The following C12orf75 variants were observed in gnomAD, a reference collection of about 807,000 sequenced individuals.
The protein encoded by C12orf75 is chromosome 12 open reading frame 75, also known as overexpressed in colon carcinoma 1 protein.
In C12orf75, 4 loss-of-function variants were observed where a neutral mutation model predicts 11.4. That is an observed-to-expected ratio of 0.35 (90% CI 0.17 to 0.80). The LOEUF is 0.80. Ranked by LOEUF, C12orf75 falls within the 30% of genes least tolerant of loss-of-function variation. C12orf75 has a pLI of 0.52. For missense variants in C12orf75, 89 were observed against 80.4 expected (o/e 1.11, Z -0.41); for synonymous variants, 30 against 30.0 (o/e 1.00, Z 0.00).
chr12:105,361,067 C>G (rs1450506801), intron 2 of C12orf75, among the ~76,000 whole-genome samples: 1 of 152,098 alleles, frequency 6.6e-6, no homozygotes, highest in Non-Finnish European at 1.5e-5. Context: ...TGAGCCACCG[C>G]GCCTGCCCTG....
intron 2 of C12orf75, among the ~76,000 whole-genome samples, chr12:105,362,202 C>T (rs1186348313): frequency 2.7e-5 from 4 of 150,786 alleles, no homozygotes; most frequent in Admixed American, 6.6e-5. Flanking sequence ...CTGGCTAAAA[C>T]GGTGAAACCC....
In C12orf75 at chr12:105,337,789, C is replaced by A. The variant is rs140994024; in HGVS notation, c.46+6852C>A. ...AAACAATAGCGGGTCATTGTTTATG[C>A]CTATTTTTTAGTAAAGTTTAAGCCC... On this transcript the variant is annotated intron_variant, in intron 1 of 5. Transcript: ENST00000443585. Among the ~76,000 whole-genome samples, 16 of 152,186 alleles carry A rather than the reference C, an allele frequency of 1.1e-4. No individual in the cohort carries two copies. The East Asian group carries it at 3.1e-3, about 29-fold the overall frequency.
chr12:105,364,771 T>A (rs1020463732), intron 2 of C12orf75, among the ~76,000 whole-genome samples: 7 of 151,846 alleles, frequency 4.6e-5, no homozygotes, highest in Non-Finnish European at 1.0e-4. Flanking sequence ...TGCCAACTAG[T>A]GCTTCAAGGA....
chr12:105,360,534 A>G (rs1336264471), intron 2 of C12orf75, among the ~76,000 whole-genome samples: 1 of 152,234 alleles, frequency 6.6e-6, no homozygotes, highest in Non-Finnish European at 1.5e-5. Context: ...TAAATGTAAA[A>G]TTTATTTGCC....
intron 3 of C12orf75, 36 bp downstream of exon 3, chr12:105,365,878 G>C: frequency 7.0e-7 from 1 of 1,428,226 alleles, no homozygotes; most frequent in Non-Finnish European, 9.7e-7. Context: ...TAGTTTGAAT[G>C]GTTTTGGCCA....
chr12:105,351,117 T>C (rs551959970), intron 2 of C12orf75, among the ~76,000 whole-genome samples: 1 of 152,246 alleles, frequency 6.6e-6, no homozygotes, highest in Non-Finnish European at 1.5e-5. Context: ...TTCAATTTTT[T>C]AAGTGGAAGC....
intron 2 of C12orf75, among the ~76,000 whole-genome samples, chr12:105,357,458 A>G (rs1005065261): frequency 6.6e-6 from 1 of 152,184 alleles, no homozygotes; most frequent in African/African-American, 2.4e-5. Context: ...TACAAGAGTG[A>G]GTCATGTTTA....
intron 5 of C12orf75, among the ~76,000 whole-genome samples, chr12:105,369,990 C>G (rs528054246): frequency 5.3e-5 from 8 of 152,336 alleles, no homozygotes; most frequent in African/African-American, 1.9e-4. Context: ...AACATGTAGA[C>G]TCTCTGAACT....
intron 2 of C12orf75, among the ~76,000 whole-genome samples, chr12:105,362,439 G>A (rs1407414863): frequency 1.4e-5 from 2 of 147,638 alleles, no homozygotes; most frequent in Non-Finnish European, 3.0e-5. Flanking sequence ...AGGCTGAGGC[G>A]GGTGGATCAT....
At position 105,366,633 on chromosome 12, in the gene C12orf75, T is replaced by G. The variant is rs1266050666; in HGVS notation, c.124T>G (p.Tyr42Asp). The G allele has an allele frequency of 5.9e-6, 9 of 1,533,296 alleles. No homozygotes were observed. The East Asian group carries it at 2.2e-4, about 38-fold the overall frequency. 95.0% of individuals were successfully genotyped at this position (1,533,296 alleles called of 1,614,324 possible). A position where few individuals can be genotyped will look rare whatever the true frequency, so the allele number is the denominator to read the frequency against. The change falls in exon 4 of 6, where the codon TAT becomes GAT. Residue 42 changes from tyrosine (Y) to aspartate (D), a missense_variant. By Grantham distance (160) the Tyr-to-Asp change is radical. Coordinates refer to ENST00000443585, the MANE Select transcript of C12orf75 (RefSeq NM_001145199.2). ...DDKRRNYGGVYVGLPSEAVNM... is the reference protein window; with the variant it reads ...DDKRRNYGGVDVGLPSEAVNM... ...TTTATCAAGAAACTATGGAGGAGTATATGTTGGCCTACCATCTGAAGCTGT... is the reference window on the plus strand; with the variant it reads ...TTTATCAAGAAACTATGGAGGAGTAGATGTTGGCCTACCATCTGAAGCTGT...
At chr12:105,339,958 T>C (rs1892547259) in intron 1 of C12orf75, among the ~76,000 whole-genome samples, 1 of 152,150 alleles carries the variant, frequency 6.6e-6, no homozygotes, top group African/African-American at 2.4e-5. Flanking sequence ...TTCTTCATAA[T>C]AGACTTTGGC....
chr12:105,367,504 CAA>C lies in C12orf75; in HGVS notation c.*29_*30del, dbSNP rs1461510560. ...GAAAATAACATCATGACTCAAGAATCAAGAGGTGCTGTATATTTTTCTAAATA... is the reference window on the plus strand; with the variant it reads ...GAAAATAACATCATGACTCAAGAATCGAGGTGCTGTATATTTTTCTAAATA... On this transcript the variant is annotated 3_prime_UTR_variant, in exon 5 of 6. Coordinates refer to ENST00000443585, the MANE Select transcript of C12orf75 (RefSeq NM_001145199.2). 2 of 798,970 alleles carry C rather than the reference CAA, an allele frequency of 2.5e-6. No individual in the cohort carries two copies. The highest frequency in any genetic ancestry group is 3.9e-6 in the Non-Finnish European group (2 of 512,510). 49.5% of individuals were successfully genotyped at this position (798,970 alleles called of 1,614,324 possible).
rs535073298 is a variant in C12orf75, at chr12:105,362,941, A to G, written c.72-2866A>G. 5.3e-5 allele frequency among the ~76,000 whole-genome samples: 8 copies of G among 152,368 alleles called. No individual in the cohort carries two copies. The South Asian group carries it at 1.4e-3, about 28-fold the overall frequency. On this transcript the variant is annotated intron_variant, in intron 2 of 5. Transcript: ENST00000443585. ...GCAAAGTGCCTAGTATAGTTACACAATCAGGTTGAGAGATGGGATGATGGT... is the reference window on the plus strand; with the variant it reads ...GCAAAGTGCCTAGTATAGTTACACAGTCAGGTTGAGAGATGGGATGATGGT...
chr12:105,357,355 G>T (rs1194147766), intron 2 of C12orf75, among the ~76,000 whole-genome samples: 3 of 152,192 alleles, frequency 2.0e-5, no homozygotes, highest in African/African-American at 7.2e-5. Flanking sequence ...CCTTTGGTCA[G>T]TTGCTTTTTT....
intron 1 of C12orf75, among the ~76,000 whole-genome samples, chr12:105,342,696 C>T (rs185546002): frequency 8.9e-4 from 135 of 152,266 alleles, no homozygotes; most frequent in Non-Finnish European, 1.4e-3. Flanking sequence ...ATCCTGAAGC[C>T]ATATAGGGGC....
At chr12:105,339,242 T>G (rs1592876687) in intron 1 of C12orf75, among the ~76,000 whole-genome samples, 1 of 101,774 alleles carries the variant, frequency 9.8e-6, no homozygotes, top group Non-Finnish European at 2.5e-5. Flanking sequence ...TGCAGTTATA[T>G]TTATATAGTT....
chr12:105,360,134 C>T (rs564352899), intron 2 of C12orf75, among the ~76,000 whole-genome samples: 1 of 152,352 alleles, frequency 6.6e-6, no homozygotes, highest in Non-Finnish European at 1.5e-5. Flanking sequence ...CTTGCTGCCT[C>T]CTTCTGAAGA....
rs758622814 is a variant in C12orf75, at chr12:105,348,564, A to G, written c.47-38A>G. On this transcript the variant is annotated intron_variant, in intron 1 of 5. Transcript: ENST00000443585. ...TAGACAACATTTTTGTAGCAATACT[A>G]TCACACCAATACAAACCTATCTTCT... is the stretch of plus-strand genomic sequence containing the variant. 4.1e-6 allele frequency: 6 copies of G among 1,458,778 alleles called. No homozygotes were observed. The South Asian group carries it at 8.0e-5, about 20-fold the overall frequency. 90.4% of individuals were successfully genotyped at this position (1,458,778 alleles called of 1,614,324 possible).
At chr12:105,332,583 T>C (rs529238098) in intron 1 of C12orf75, among the ~76,000 whole-genome samples, 4 of 151,920 alleles carry the variant, frequency 2.6e-5, no homozygotes, top group South Asian at 4.2e-4. Context: ...AATACAAAAT[T>C]AGCTGGGCGT....
Sources: allele counts gnomAD v4.1 joint callset (sites outside exome capture counted in the v4.1 genomes callset), GRCh38; gene constraint gnomAD v4.1.1; transcripts MANE v1.5; gene names NCBI Gene and HGNC (gene_info 2026-07-23, HGNC 2026-07-21).